DIAPH3: variants seen among roughly 807,000 people sequenced by gnomAD.
DIAPH3 encodes diaphanous related formin 3.
Under a neutral mutation model 144.3 loss-of-function variants are expected in DIAPH3, and 117 were observed. The ratio of observed to expected loss-of-function variants is 0.81; its 90% CI spans 0.70 to 0.95. DIAPH3 has a LOEUF of 0.95. DIAPH3 is among the 40% of genes least tolerant of loss of function. DIAPH3 has a pLI of 0.00. For missense variants in DIAPH3, 1,421 were observed against 1,412.7 expected, an observed-to-expected ratio of 1.01 and a Z score of -0.09; for synonymous variants, 519 against 488.9, an observed-to-expected ratio of 1.06 and a Z score of -0.81.
At chr13:59,967,330 C>T (rs1289337495) in intron 17 of DIAPH3, among the ~76,000 whole-genome samples, 1 of 152,004 alleles carries the variant, frequency 6.6e-6, no homozygotes, top group East Asian at 1.9e-4. Context: ...CCACCTCGAC[C>T]TCCCAAAATG....
At chr13:60,037,283 G>A (rs1247441311) in intron 5 of DIAPH3, among the ~76,000 whole-genome samples, 1 of 151,462 alleles carries the variant, frequency 6.6e-6, no homozygotes, top group Admixed American at 6.6e-5. Context: ...GGGGGGCGGG[G>A]ACAAAAATCA....
rs1032778966 is a variant in DIAPH3 at position 60,163,778 on chromosome 13, G to A, written c.-12C>T. 5.1e-6 allele frequency: 8 copies of A among 1,562,370 alleles called. No individual in the cohort carries two copies. In the African/African-American group the frequency reaches 1.1e-4, roughly 21 times the overall value. ...TGGTGCCGTTCCATCTTTCCCCGCA[G>A]CTCCGGGGACCGGAAAGAAGGTGGC... On this transcript the variant is annotated 5_prime_UTR_variant, in exon 1 of 28. Coordinates refer to ENST00000400324, the MANE Select transcript of DIAPH3 (RefSeq NM_001042517.2).
chr13:59,854,947 C>T (rs531800809), intron 22 of DIAPH3, among the ~76,000 whole-genome samples: 118 of 152,278 alleles, frequency 7.7e-4, no homozygotes, highest in Non-Finnish European at 1.5e-3. Flanking sequence ...TAGCCCAAGC[C>T]ACAGCAGATT....
chr13:59,768,306 C>G (rs1182619115), intron 27 of DIAPH3, among the ~76,000 whole-genome samples: 1 of 152,062 alleles, frequency 6.6e-6, no homozygotes, highest in Admixed American at 6.6e-5. Flanking sequence ...AGGCCAATGA[C>G]ATTTAGAAAA....
chr13:60,148,179 T>C (rs374670821), intron 1 of DIAPH3, among the ~76,000 whole-genome samples: 12 of 152,276 alleles, frequency 7.9e-5, no homozygotes, highest in African/African-American at 2.9e-4. Context: ...AGAAAGCAGA[T>C]AAATTCGAGT....
At chr13:59,738,855 T>C (rs779199050) in intron 27 of DIAPH3, among the ~76,000 whole-genome samples, 5 of 152,242 alleles carry the variant, frequency 3.3e-5, no homozygotes, top group Admixed American at 1.3e-4. Flanking sequence ...TTTACCTATA[T>C]GCCTCCTTGT....
chr13:59,731,191 T>C (rs530950167), intron 27 of DIAPH3, among the ~76,000 whole-genome samples: 22 of 152,276 alleles, frequency 1.4e-4, no homozygotes, highest in Admixed American at 1.4e-3. Context: ...CTTTATTTAT[T>C]TACTTGCTGT....
At chr13:59,836,312 T>C (rs570185148) in intron 23 of DIAPH3, among the ~76,000 whole-genome samples, 323 of 151,952 alleles carry the variant, frequency 2.1e-3, no homozygotes, top group Non-Finnish European at 3.4e-3. Flanking sequence ...GATAAAAATT[T>C]AGTAAGTACG....
At chr13:60,020,056 T>C (rs547284824) in intron 5 of DIAPH3, among the ~76,000 whole-genome samples, 5 of 152,310 alleles carry the variant, frequency 3.3e-5, no homozygotes, top group African/African-American at 1.2e-4. Flanking sequence ...ATAAGAGCAA[T>C]CTTACCTGAT....
intron 17 of DIAPH3, among the ~76,000 whole-genome samples, chr13:59,965,286 A>G (rs549285896): frequency 6.6e-6 from 1 of 152,120 alleles, no homozygotes; most frequent in African/African-American, 2.4e-5. Flanking sequence ...AAAATGACAC[A>G]CCTGTTATAA....
chr13:60,026,494 G>C (rs2054383628), intron 5 of DIAPH3, among the ~76,000 whole-genome samples: 1 of 152,012 alleles, frequency 6.6e-6, no homozygotes, highest in African/African-American at 2.4e-5. Context: ...ACCAATATCA[G>C]GAAGACAACG....
chr13:60,018,435 T>A (rs974657387), intron 5 of DIAPH3, among the ~76,000 whole-genome samples: 1 of 152,108 alleles, frequency 6.6e-6, no homozygotes, highest in African/African-American at 2.4e-5. Context: ...ATCTACATAA[T>A]TAATAATAAA....
intron 27 of DIAPH3, among the ~76,000 whole-genome samples, chr13:59,745,234 A>G (rs1199759549): frequency 6.6e-6 from 1 of 152,238 alleles, no homozygotes; most frequent in Non-Finnish European, 1.5e-5. Flanking sequence ...GAGATGGACT[A>G]AAAAACAACA....
At chr13:59,807,259 C>A (rs2040246445) in intron 25 of DIAPH3, among the ~76,000 whole-genome samples, 1 of 151,690 alleles carries the variant, frequency 6.6e-6, no homozygotes, top group South Asian at 2.1e-4. Context: ...AGGTCTTTCA[C>A]TTTGGTGAGA....
At chr13:59,948,216 A>G (rs958641724) in intron 17 of DIAPH3, among the ~76,000 whole-genome samples, 2 of 152,214 alleles carry the variant, frequency 1.3e-5, no homozygotes, top group African/African-American at 4.8e-5. Flanking sequence ...ACCTGGCTTC[A>G]TGGTTAATTT....
At chr13:60,028,090 A>C (rs2054510176) in intron 5 of DIAPH3, among the ~76,000 whole-genome samples, 1 of 152,146 alleles carries the variant, frequency 6.6e-6, no homozygotes, top group Admixed American at 6.5e-5. Flanking sequence ...TTCAGCTTTC[A>C]AGGCCAATTC....
intron 9 of DIAPH3, among the ~76,000 whole-genome samples, chr13:60,007,549 G>C (rs1365216062): frequency 2.0e-5 from 3 of 152,044 alleles, no homozygotes; most frequent in Non-Finnish European, 4.4e-5. Flanking sequence ...CATTGGCTTT[G>C]AAACTTTGCT....
At chr13:59,755,979 A>G (rs781190802) in intron 27 of DIAPH3, among the ~76,000 whole-genome samples, 4 of 152,250 alleles carry the variant, frequency 2.6e-5, no homozygotes, top group Non-Finnish European at 5.9e-5. Flanking sequence ...ATATTAATCA[A>G]TGATGATTCC....
At chr13:60,050,975 T>C (rs139966866) in intron 4 of DIAPH3, among the ~76,000 whole-genome samples, 18 of 152,204 alleles carry the variant, frequency 1.2e-4, no homozygotes, top group Admixed American at 1.1e-3. Context: ...AGTTTAGATA[T>C]AAGAATGAAA....
Sources: gnomAD v4.1 joint callset for allele counts (sites outside exome capture counted in the v4.1 genomes callset) on GRCh38, gnomAD v4.1.1 for gene constraint, MANE v1.5 for transcripts, NCBI Gene and HGNC (gene_info 2026-07-23, HGNC 2026-07-21) for gene names.